HIVEP3: variants seen among roughly 807,000 people sequenced by gnomAD.
HIVEP3 encodes the protein transcription factor HIVEP3.
Under a neutral mutation model 152.8 loss-of-function variants are expected in HIVEP3, and 49 were observed. The ratio of observed to expected loss-of-function variants is 0.32; its 90% CI spans 0.26 to 0.41. The LOEUF (loss-of-function observed/expected upper bound fraction) is 0.41, where lower values mean the gene tolerates loss of function less well. HIVEP3 is among the 10% of genes least tolerant of loss of function. The pLI, the probability that HIVEP3 is intolerant of heterozygous loss-of-function variation, is 1.00. For missense variants in HIVEP3, 2,790 were observed against 3,103.3 expected (o/e 0.90, Z 2.40); for synonymous variants, 1,269 against 1,289.0 (o/e 0.98, Z 0.33).
chr1:41,534,482 C>T (rs191611727), intron 5 of HIVEP3, among the ~76,000 whole-genome samples: 32 of 152,302 alleles, frequency 2.1e-4, no homozygotes, highest in Non-Finnish European at 2.9e-4. Context: ...TCCTGTCCTT[C>T]GGAGGCCTGT....
In HIVEP3 at chr1:41,872,036, C is replaced by T. The variant is rs1644089923; in HGVS notation, c.-801+46377G>A. On this transcript the variant is annotated intron_variant, in intron 1 of 8. Coordinates refer to ENST00000372583, the MANE Select transcript of HIVEP3 (RefSeq NM_024503.5). Reference sequence around the variant, plus strand: ...AGTGGGTTTTGACAAATGTATATACCCAAGTAACCACTACCCTAATCAAGA... The same window carrying T: ...AGTGGGTTTTGACAAATGTATATACTCAAGTAACCACTACCCTAATCAAGA... Among the ~76,000 whole-genome samples the T allele has an allele frequency of 2.0e-5, 3 of 151,988 alleles. No individual in the cohort carries two copies. The South Asian group carries it at 6.2e-4, about 32-fold the overall frequency.
chr1:41,613,542 G>A (rs540108561), intron 3 of HIVEP3, among the ~76,000 whole-genome samples: 3 of 152,344 alleles, frequency 2.0e-5, no homozygotes, highest in African/African-American at 7.2e-5. Context: ...ATTGTGGAAA[G>A]CTTCAGTTAA....
At chr1:41,852,397 A>C (rs1279468123) in intron 1 of HIVEP3, among the ~76,000 whole-genome samples, 1 of 152,234 alleles carries the variant, frequency 6.6e-6, no homozygotes, top group Non-Finnish European at 1.5e-5. Context: ...AGGTGTAAGA[A>C]ACAAGCCGGA....
intron 1 of HIVEP3, among the ~76,000 whole-genome samples, chr1:41,837,975 C>T (rs1643174789): frequency 6.6e-6 from 1 of 152,184 alleles, no homozygotes; most frequent in Non-Finnish European, 1.5e-5. Flanking sequence ...TGCATATGGA[C>T]ATCTGAATAC....
intron 1 of HIVEP3, among the ~76,000 whole-genome samples, chr1:41,978,077 G>T (rs568171219): frequency 2.6e-5 from 4 of 152,104 alleles, no homozygotes; most frequent in African/African-American, 9.6e-5. Context: ...TTCCCATTAA[G>T]ACCCAAGTCT....
chr1:41,998,281 A>G (rs74422841), intron 1 of HIVEP3, among the ~76,000 whole-genome samples: 1,613 of 152,342 alleles, frequency 0.011, 29 homozygotes, highest in African/African-American at 0.037. Context: ...TACATTAAGT[A>G]TTAAATAATT....
chr1:41,803,668 G>A (rs897347002), intron 1 of HIVEP3, among the ~76,000 whole-genome samples: 4 of 152,310 alleles, frequency 2.6e-5, no homozygotes, highest in Non-Finnish European at 5.9e-5. Flanking sequence ...ACGTGAAGCT[G>A]GACTCATGCT....
intron 1 of HIVEP3, among the ~76,000 whole-genome samples, chr1:41,773,940 A>G (rs1648530335): frequency 6.6e-6 from 1 of 152,280 alleles, no homozygotes; most frequent in Non-Finnish European, 1.5e-5. Flanking sequence ...AATTAAAGAC[A>G]AAATCAATGC....
rs1439011292 is a variant in HIVEP3 at position 41,664,078 on chromosome 1, T to G, written c.-720-35131A>C. On this transcript the variant is annotated intron_variant, in intron 2 of 8. Transcript: ENST00000372583. This position sits in a 1 kb window ranked among gnomAD's most constrained non-coding sequence, Gnocchi z 4.4. ...CACTTCTTGAGGTCTTCATACAGGC[T>G]TTCCCTTTGAAATGTCTTCTCCACC... 1.3e-5 allele frequency among the ~76,000 whole-genome samples: 2 copies of G among 152,190 alleles called. No homozygotes were observed. The highest frequency in any genetic ancestry group is 4.8e-5 in the African/African-American group (2 of 41,428).
intron 1 of HIVEP3, among the ~76,000 whole-genome samples, chr1:41,952,069 C>T (rs1385119654): frequency 6.6e-6 from 1 of 152,200 alleles, no homozygotes; most frequent in Admixed American, 6.5e-5. Context: ...ATTTCACTTG[C>T]CCTTCCATAA....
intron 2 of HIVEP3, among the ~76,000 whole-genome samples, chr1:41,698,738 G>C (rs1295579160): frequency 1.3e-5 from 2 of 152,118 alleles, no homozygotes; most frequent in Non-Finnish European, 2.9e-5. Context: ...TCGGGTGCCA[G>C]TGCTCCTGGC....
chr1:41,625,912 C>T (rs749719945), intron 3 of HIVEP3, among the ~76,000 whole-genome samples: 2 of 152,192 alleles, frequency 1.3e-5, no homozygotes, highest in African/African-American at 4.8e-5. Flanking sequence ...TATATATTGA[C>T]ATTCCATGCA....
At chr1:41,674,050 A>G (rs996266377) in intron 2 of HIVEP3, among the ~76,000 whole-genome samples, 7 of 152,208 alleles carry the variant, frequency 4.6e-5, no homozygotes, top group African/African-American at 1.7e-4. Context: ...CATTTCCCTA[A>G]ACCCAGCTGG....
At chr1:41,519,704 G>T (rs1569696025) in intron 6 of HIVEP3, among the ~76,000 whole-genome samples, 1 of 152,268 alleles carries the variant, frequency 6.6e-6, no homozygotes, top group East Asian at 1.9e-4. Context: ...TAGAGCGATT[G>T]GTGCGTGGAT....
At chr1:41,916,665 T>C (rs1644876620) in intron 1 of HIVEP3, among the ~76,000 whole-genome samples, 1 of 152,140 alleles carries the variant, frequency 6.6e-6, no homozygotes, top group Non-Finnish European at 1.5e-5. Context: ...AAAGAGCATA[T>C]GTCAAACAGC....
upstream of HIVEP3, among the ~76,000 whole-genome samples, chr1:41,920,691 T>C (rs1644936413): frequency 6.6e-6 from 1 of 152,054 alleles, no homozygotes; most frequent in Non-Finnish European, 1.5e-5. Context: ...GGCTGTCCGA[T>C]AATTCAGAAG....
Position 41,510,560 on chromosome 1 carries a change from T to A in HIVEP3, c.7112A>T (p.Asn2371Ile), listed in dbSNP as rs1256033506. ...CCTGGTCCTGGGTTCCCCGGAGAGG[T>A]TCCTCGTCCGGGCTGGGAAGCGGGC... ...ASARFPARTR[N>I]LSGEPRTRQD... Residue 2371 changes from asparagine to isoleucine, a missense_variant, in exon 9 of 9, where the codon AAC becomes ATC. Asn to Ile is a moderately radical substitution (Grantham distance 149). Around this residue, in one of 9 missense-constraint regions of HIVEP3, gnomAD observed 816 missense variants for 806.5 expected, o/e 1.01. Coordinates refer to ENST00000372583, the MANE Select transcript of HIVEP3 (RefSeq NM_024503.5). 4.5e-6 allele frequency: 7 copies of A among 1,568,550 alleles called. No individual in the cohort carries two copies. The highest frequency in any genetic ancestry group is 6.1e-6 in the Non-Finnish European group (7 of 1,156,978).
intron 1 of HIVEP3, among the ~76,000 whole-genome samples, chr1:41,852,746 C>T (rs1643638512): frequency 6.6e-6 from 1 of 152,228 alleles, no homozygotes; most frequent in Non-Finnish European, 1.5e-5. Flanking sequence ...AAATCACCTC[C>T]TCTGACCCAG....
intron 2 of HIVEP3, among the ~76,000 whole-genome samples, chr1:41,697,365 A>G (rs1193139768): frequency 2.6e-5 from 4 of 152,240 alleles, no homozygotes; most frequent in Admixed American, 6.5e-5. Context: ...TGCTCCTTGA[A>G]GTCTCAAACA....
Sources: gnomAD v4.1 joint callset for allele counts (sites outside exome capture counted in the v4.1 genomes callset) on GRCh38, gnomAD v4.1.1 for gene constraint, gnomAD v4.1.1 regional missense constraint, Gnocchi (gnomAD v3.1) non-coding constraint, MANE v1.5 for transcripts, NCBI Gene and HGNC (gene_info 2026-07-23, HGNC 2026-07-21) for gene names.